MYO1D: variants seen among roughly 807,000 people sequenced by gnomAD.
The protein encoded by MYO1D is unconventional myosin-Id.
MYO1D carries 83 observed loss-of-function variants against 122.0 expected under a neutral mutation model. The observed-to-expected ratio is 0.68, with a 90% CI of 0.57 to 0.82. The LOEUF (loss-of-function observed/expected upper bound fraction) is 0.82. Among genes scored for constraint, MYO1D ranks in the 40% least tolerant of loss-of-function variants. MYO1D has a pLI of 0.00. For missense variants in MYO1D, 1,157 were observed against 1,269.5 expected, an observed-to-expected ratio of 0.91 and a Z score of 1.35; for synonymous variants, 464 against 446.9, an observed-to-expected ratio of 1.04 and a Z score of -0.48.
chr17:32,513,849 TA>T (rs1909787753), intron 21 of MYO1D, among the ~76,000 whole-genome samples: 1 of 150,874 alleles, frequency 6.6e-6, no homozygotes, highest in African/African-American at 2.4e-5. Context: ...TTTTTTTTTG[TA>T]GACAGGATCT....
intron 7 of MYO1D, 109 bp downstream of exon 7, chr17:32,767,527 A>G (rs938223310): frequency 1.2e-4 from 78 of 674,802 alleles, no homozygotes; most frequent in Middle Eastern, 7.6e-4. Flanking sequence ...AATACGTACA[A>G]AATTTTCTCT....
intron 16 of MYO1D, among the ~76,000 whole-genome samples, chr17:32,684,890 C>T (rs527921978): frequency 2.3e-4 from 35 of 152,152 alleles, no homozygotes; most frequent in Non-Finnish European, 4.7e-4. Context: ...ACTGAAAATA[C>T]AAACTCTTCA....
At chr17:32,555,655 C>T (rs774971575) in intron 21 of MYO1D, among the ~76,000 whole-genome samples, 3 of 152,276 alleles carry the variant, frequency 2.0e-5, no homozygotes, top group Middle Eastern at 3.4e-3. Context: ...CTGCTTTTCC[C>T]GCTCGTCCCG....
chr17:32,658,070 G>C (rs1387723741), intron 17 of MYO1D, among the ~76,000 whole-genome samples: 1 of 152,120 alleles, frequency 6.6e-6, no homozygotes, highest in African/African-American at 2.4e-5. Context: ...TACTATATCT[G>C]AGAACTGAAG....
intron 21 of MYO1D, among the ~76,000 whole-genome samples, chr17:32,500,418 T>G (rs1285689191): frequency 6.6e-6 from 1 of 151,782 alleles, no homozygotes; most frequent in Non-Finnish European, 1.5e-5. Flanking sequence ...GGGAAGGAGG[T>G]CTGCTCCTTA....
intron 21 of MYO1D, among the ~76,000 whole-genome samples, chr17:32,520,241 C>T (rs1420032792): frequency 1.3e-5 from 2 of 152,178 alleles, no homozygotes; most frequent in East Asian, 1.9e-4. Context: ...AACTGCTGAG[C>T]CCCGGGACCT....
intron 21 of MYO1D, among the ~76,000 whole-genome samples, chr17:32,557,713 T>C (rs2087080940): frequency 6.6e-6 from 1 of 151,984 alleles, no homozygotes; most frequent in Admixed American, 6.6e-5. Context: ...CAGCAAAGTC[T>C]TTCTATAAGA....
intron 21 of MYO1D, chr17:32,509,907 C>A (rs914252612): frequency 6.6e-6 from 1 of 152,136 alleles, no homozygotes; most frequent in Non-Finnish European, 1.5e-5. Context: ...CAGCAGCATG[C>A]CTGCGGAGTT....
intron 21 of MYO1D, among the ~76,000 whole-genome samples, chr17:32,602,234 A>G (rs996509689): frequency 2.6e-5 from 4 of 152,124 alleles, no homozygotes; most frequent in African/African-American, 9.7e-5. Flanking sequence ...TAATTCTAGT[A>G]TCTTTGTCTG....
chr17:32,540,022 A>T (rs1298050032), intron 21 of MYO1D, among the ~76,000 whole-genome samples: 1 of 152,148 alleles, frequency 6.6e-6, no homozygotes, highest in Non-Finnish European at 1.5e-5. Flanking sequence ...CAAGATCAAA[A>T]ACTTTTGTGC....
In MYO1D at chr17:32,494,561, C is replaced by T; in HGVS notation, c.*198G>A. 1 of 692,276 alleles carries T rather than the reference C, an allele frequency of 1.4e-6. No individual in the cohort carries two copies. The highest frequency in any genetic ancestry group is 2.0e-5 in the South Asian group (1 of 51,150). The allele number at this position is 692,276 out of a possible 1,614,324, so 42.9% of individuals were successfully genotyped here. A position where few individuals can be genotyped will look rare whatever the true frequency, so the allele number is the denominator to read the frequency against. On this transcript the variant is annotated 3_prime_UTR_variant, in exon 22 of 22. Coordinates refer to ENST00000318217, the MANE Select transcript of MYO1D (RefSeq NM_015194.3). ...GCACCAGGGTCTTTGGCTTATTGAACAGGGACCGTGGACAGTAAGGACAGA... is the reference window on the plus strand; with the variant it reads ...GCACCAGGGTCTTTGGCTTATTGAATAGGGACCGTGGACAGTAAGGACAGA...
intron 13 of MYO1D, among the ~76,000 whole-genome samples, chr17:32,741,235 A>G (rs2089768882): frequency 6.6e-6 from 1 of 151,792 alleles, no homozygotes; most frequent in Admixed American, 6.6e-5. Context: ...AAAAAAAAAA[A>G]AAAAAAGAAA....
chr17:32,574,035 C>T (rs1347221249), intron 21 of MYO1D, among the ~76,000 whole-genome samples: 1 of 151,596 alleles, frequency 6.6e-6, no homozygotes. Flanking sequence ...TGTATTTTTA[C>T]TAGAGACAGG....
chr17:32,641,667 C>T (rs2088202921), intron 19 of MYO1D, among the ~76,000 whole-genome samples: 1 of 152,192 alleles, frequency 6.6e-6, no homozygotes, highest in African/African-American at 2.4e-5. Context: ...TTTTGATTTG[C>T]ATTTCTCTGA....
chr17:32,832,638 T>C (rs1253216673), intron 1 of MYO1D, among the ~76,000 whole-genome samples: 1 of 152,192 alleles, frequency 6.6e-6, no homozygotes, highest in Non-Finnish European at 1.5e-5. Context: ...TAACTTGCAG[T>C]CTGTGAATAC....
chr17:32,770,735 A>C lies in MYO1D; in HGVS notation c.714+390T>G, dbSNP rs188024006. On this transcript the variant is annotated intron_variant, in intron 6 of 21. Coordinates refer to ENST00000318217, the MANE Select transcript of MYO1D (RefSeq NM_015194.3). ...TTGAACAAACAGTGAGTGGAGAATC[A>C]AAGTGCATTTTAATTTTGTCTTACT... Among the ~76,000 whole-genome samples, 51 of 152,320 alleles carry C rather than the reference A, an allele frequency of 3.3e-4. 1 individual carries two copies. The highest frequency in any genetic ancestry group is 6.8e-3 in the Middle Eastern group (2 of 294).
intron 1 of MYO1D, among the ~76,000 whole-genome samples, chr17:32,858,085 T>C (rs2091041978): frequency 6.6e-6 from 1 of 152,210 alleles, no homozygotes; most frequent in African/African-American, 2.4e-5. Context: ...TTTAGACAAC[T>C]GGAATCCTAG....
rs10523328 is a variant in MYO1D, at chr17:32,677,580, AATATATATATATATATATATATATAT to A, written c.2122-18268_2122-18243del. ...TCATCAGGGGATATATAGATAGATAAATATATATATATATATATATATATATATATATATATATATATGCACACAGA... is the reference window on the plus strand; with the variant it reads ...TCATCAGGGGATATATAGATAGATAAATATATATATATATATGCACACAGA... On this transcript the variant is annotated intron_variant, in intron 16 of 21. Transcript: ENST00000318217. Among the ~76,000 whole-genome samples the A allele has an allele frequency of 2.2e-3, 297 of 135,876 alleles. 1 individual carries two copies. Among genetic ancestry groups the A allele is most frequent in the African/African-American group, 7.5e-3 (273 of 36,224 alleles). 89.1% of individuals were successfully genotyped at this position (135,876 alleles called of 152,430 possible).
At position 32,495,145 on chromosome 17, in the gene MYO1D, G is replaced by A. The variant is rs560948467; in HGVS notation, c.2865-230C>T. On this transcript the variant is annotated intron_variant, in intron 21 of 21. Coordinates refer to ENST00000318217, the MANE Select transcript of MYO1D (RefSeq NM_015194.3). ...CAGGGCCCTTGGCTCCCATGCCAGC[G>A]CATGGGACTGGACAGTGGAGGGCCA... Among the ~76,000 whole-genome samples the A allele has an allele frequency of 6.6e-5, 10 of 152,338 alleles. No homozygotes were observed. The South Asian group carries it at 1.9e-3, about 28-fold the overall frequency.
Sources: allele counts gnomAD v4.1 joint callset (sites outside exome capture counted in the v4.1 genomes callset), GRCh38; gene constraint gnomAD v4.1.1; transcripts MANE v1.5; gene names NCBI Gene and HGNC (gene_info 2026-07-23, HGNC 2026-07-21).